The following BBX variants were observed in gnomAD, a reference collection of about 807,000 sequenced individuals.
The protein encoded by BBX is BBX high mobility group box domain containing.
BBX carries 30 observed loss-of-function variants against 100.2 expected under a neutral mutation model. The observed-to-expected ratio is 0.30, with a 90% confidence interval of 0.22 to 0.41. The LOEUF (loss-of-function observed/expected upper bound fraction) is 0.41, where lower values mean the gene tolerates loss of function less well. Among genes scored for constraint, BBX ranks in the 10% least tolerant of loss-of-function variants. The pLI is 1.00. For missense variants in BBX, 1,023 were observed against 1,129.8 expected, an observed-to-expected ratio of 0.91 and a Z score of 1.35; for synonymous variants, 376 against 388.1, an observed-to-expected ratio of 0.97 and a Z score of 0.37.
At chr3:107,778,335 C>T (rs1352367614) in intron 12 of BBX, 36 bp from the exon 13 acceptor site, 4 of 1,610,038 alleles carry the variant, frequency 2.5e-6, no homozygotes, top group East Asian at 2.2e-5. Flanking sequence ...CATATTTGGT[C>T]ATGTGCTGAT....
chr3:107,647,381 A>G (rs1002097944), intron 3 of BBX, among the ~76,000 whole-genome samples: 1 of 152,232 alleles, frequency 6.6e-6, no homozygotes, highest in African/African-American at 2.4e-5. Flanking sequence ...CAAGATTACC[A>G]TGGCAGACTT....
At chr3:107,622,020 G>T (rs999380318) in intron 2 of BBX, among the ~76,000 whole-genome samples, 1 of 152,090 alleles carries the variant, frequency 6.6e-6, no homozygotes, top group Non-Finnish European at 1.5e-5. Context: ...TAGATTTCGT[G>T]TACAGTTCTT....
intron 6 of BBX, among the ~76,000 whole-genome samples, chr3:107,731,421 CCT>C (rs1349832611): frequency 6.6e-6 from 1 of 152,022 alleles, no homozygotes; most frequent in Non-Finnish European, 1.5e-5. Context: ...AATTCATTTC[CCT>C]CTCTTGATTT....
intron 2 of BBX, among the ~76,000 whole-genome samples, chr3:107,591,384 T>C (rs1238146595): frequency 2.0e-5 from 3 of 152,020 alleles, no homozygotes; most frequent in Admixed American, 2.0e-4. Context: ...AGGGGAGGAG[T>C]GTAAGTCCAT....
chr3:107,540,580 A>C (rs1056562057), intron 2 of BBX, among the ~76,000 whole-genome samples: 3 of 152,216 alleles, frequency 2.0e-5, no homozygotes, highest in Non-Finnish European at 4.4e-5. Flanking sequence ...TATGTAGATA[A>C]TGATTTTAAG....
intron 2 of BBX, among the ~76,000 whole-genome samples, chr3:107,623,844 A>G (rs2055963803): frequency 6.6e-6 from 1 of 152,214 alleles, no homozygotes; most frequent in South Asian, 2.1e-4. Context: ...GTTTTCACTT[A>G]GTATTCATAA....
chr3:107,555,864 G>C (rs1320058087), intron 2 of BBX, among the ~76,000 whole-genome samples: 1 of 152,182 alleles, frequency 6.6e-6, no homozygotes, highest in Non-Finnish European at 1.5e-5. Flanking sequence ...ATTCATGGCT[G>C]TCTTAAACAT....
chr3:107,606,888 T>G (rs2054486047), intron 2 of BBX, among the ~76,000 whole-genome samples: 1 of 152,164 alleles, frequency 6.6e-6, no homozygotes, highest in Non-Finnish European at 1.5e-5. Flanking sequence ...TAGATCTTAT[T>G]CCTTATAACG....
rs1296364166 is a variant in BBX, at chr3:107,716,536, C to A, written c.163-71C>A. ...CTAAGAAAAAAATACAATTTGCAAACCAAGACTAACTGTTAAATCAAAATT... is the reference window on the plus strand; with the variant it reads ...CTAAGAAAAAAATACAATTTGCAAAACAAGACTAACTGTTAAATCAAAATT... On this transcript the variant is annotated intron_variant, in intron 4 of 17. Transcript: ENST00000325805. 7.7e-6 allele frequency: 12 copies of A among 1,553,934 alleles called. No individual in the cohort carries two copies. In the East Asian group the frequency reaches 2.3e-4, roughly 29 times the overall value.
intron 9 of BBX, among the ~76,000 whole-genome samples, chr3:107,754,159 G>A (rs1337394384): frequency 3.9e-5 from 6 of 152,276 alleles, no homozygotes; most frequent in Non-Finnish European, 7.4e-5. Context: ...TGGCACAAAG[G>A]CCATATTCTT....
At chr3:107,581,115 TTAAC>T (rs1347872731) in intron 2 of BBX, among the ~76,000 whole-genome samples, 1 of 152,162 alleles carries the variant, frequency 6.6e-6, no homozygotes, top group Non-Finnish European at 1.5e-5. Flanking sequence ...AATCTTGTAT[TTAAC>T]TAGGAGCAAA....
intron 4 of BBX, 77 bp downstream of exon 4, chr3:107,710,699 T>A (rs1395378309): frequency 7.5e-7 from 1 of 1,333,606 alleles, no homozygotes; most frequent in Non-Finnish European, 1.0e-6. Context: ...TGAACATGAA[T>A]GATATTACAA....
At chr3:107,608,961 T>A (rs768670854) in intron 2 of BBX, among the ~76,000 whole-genome samples, 17 of 152,142 alleles carry the variant, frequency 1.1e-4, no homozygotes, top group Non-Finnish European at 1.8e-4. Flanking sequence ...TTTGGGGGAA[T>A]CTTTAGGTTT....
At chr3:107,763,333 T>A (rs1031488341) in intron 10 of BBX, among the ~76,000 whole-genome samples, 4 of 151,906 alleles carry the variant, frequency 2.6e-5, no homozygotes, top group African/African-American at 9.7e-5. Flanking sequence ...CACGCCACTC[T>A]CCTGCCTCAG....
intron 2 of BBX, among the ~76,000 whole-genome samples, chr3:107,544,990 T>C (rs1190464017): frequency 6.6e-6 from 1 of 151,732 alleles, no homozygotes; most frequent in East Asian, 1.9e-4. Flanking sequence ...TACTCGAGCC[T>C]GGGCAACAGA....
At chr3:107,714,912 A>G (rs566346558) in intron 4 of BBX, among the ~76,000 whole-genome samples, 1 of 152,166 alleles carries the variant, frequency 6.6e-6, no homozygotes, top group Non-Finnish European at 1.5e-5. Flanking sequence ...CAGTCTCCCA[A>G]GTAGCTGGGA....
chr3:107,608,355 C>G, intron 2 of BBX, among the ~76,000 whole-genome samples: 1 of 151,994 alleles, frequency 6.6e-6, no homozygotes, highest in East Asian at 1.9e-4. Flanking sequence ...TTCTTGGTAC[C>G]TTTGTCAAAA....
intron 2 of BBX, among the ~76,000 whole-genome samples, chr3:107,567,299 A>T (rs972056168): frequency 4.6e-5 from 7 of 152,078 alleles, no homozygotes; most frequent in Non-Finnish European, 4.4e-5. Context: ...CCTAGCCTTC[A>T]TAGTATTACT....
In BBX at chr3:107,688,179, T is replaced by C. The variant is rs188649303; in HGVS notation, c.-9-22273T>C. Among the ~76,000 whole-genome samples the C allele has an allele frequency of 1.7e-3, 257 of 152,360 alleles. 1 individual carries two copies. Among genetic ancestry groups the C allele is most frequent in the Middle Eastern group, 0.014 (4 of 294 alleles). Reference sequence around the variant, plus strand: ...TTCCAGTTCTGTTCTCTCTTCAGCATTACTTTCCTATAAAGGCCCAGCCAG... The same window carrying C: ...TTCCAGTTCTGTTCTCTCTTCAGCACTACTTTCCTATAAAGGCCCAGCCAG... On this transcript the variant is annotated intron_variant, in intron 3 of 17. Coordinates refer to ENST00000325805, the MANE Select transcript of BBX (RefSeq NM_001142568.3).
Sources: allele counts gnomAD v4.1 joint callset (sites outside exome capture counted in the v4.1 genomes callset), GRCh38; gene constraint gnomAD v4.1.1; transcripts MANE v1.5; gene names NCBI Gene and HGNC (gene_info 2026-07-23, HGNC 2026-07-21).